Variants in ATG2B observed in about 807,000 individuals in gnomAD.
ATG2B encodes autophagy related 2B.
In ATG2B, 121 loss-of-function variants were observed where a neutral mutation model predicts 241.3. That is an observed-to-expected ratio of 0.50 (90% CI 0.43 to 0.58). ATG2B has a LOEUF of 0.58. ATG2B is among the 20% of genes least tolerant of loss of function. The pLI is 0.00. For synonymous variants in ATG2B, 858 were observed against 876.6 expected (o/e 0.98, Z 0.37); for missense variants, 2,306 against 2,491.6 (o/e 0.93, Z 1.59).
Position 96,289,628 on chromosome 14 carries a change from TG to T in ATG2B, c.6006+27del. 1 of 1,613,318 alleles carries T rather than the reference TG, an allele frequency of 6.2e-7. No individual in the cohort carries two copies. Among genetic ancestry groups the T allele is most frequent in the Non-Finnish European group, 8.5e-7 (1 of 1,179,564 alleles). The stretch of plus-strand genomic sequence containing the variant: ...GTTGGGAAAGCGCACAGAAGGGTTC[TG>T]ATGTGTCCACCCAAGTATTCAGTTA... On this transcript the variant is annotated intron_variant, in intron 41 of 41. Transcript: ENST00000359933. The surrounding 1 kb of genome is among the most constrained non-coding windows in gnomAD (Gnocchi z 4.3).
At chr14:96,331,346 A>G (rs777312625) in intron 11 of ATG2B, 30 bp downstream of exon 11, 40 of 1,568,738 alleles carry the variant, frequency 2.5e-5, no homozygotes, top group Non-Finnish European at 3.3e-5. Context: ...GGAAGTTTAA[A>G]GGATCATTAA....
In ATG2B at chr14:96,345,301, G is replaced by C. The variant is rs1256247405; in HGVS notation, c.410C>G (p.Thr137Arg). Residue 137 changes from threonine (T) to arginine (R), a missense_variant, in exon 3 of 42, where the codon ACA (threonine) becomes AGA (arginine). Physicochemically the swap from Thr to Arg is moderately conservative, Grantham distance 71 (BLOSUM62 -1). Around this residue, in one of 2 missense-constraint regions of ATG2B, gnomAD observed 1,927 missense variants for 2,011.2 expected, o/e 0.96. Transcript: ENST00000359933. ...CTGGGATCCTTCTCCTTGTTCATCTGTTAGTTTCTGGCTAAGACATTCTTT... is the reference window on the plus strand; with the variant it reads ...CTGGGATCCTTCTCCTTGTTCATCTCTTAGTTTCTGGCTAAGACATTCTTT... ...LAKECLSQKL[T>R]DEQGEGSQPF... The C allele has an allele frequency of 2.5e-6, 4 of 1,613,186 alleles. No homozygotes were observed. The highest frequency in any genetic ancestry group is 3.4e-6 in the Non-Finnish European group (4 of 1,179,524).
At chr14:96,307,324 T>C (rs796655534) in intron 29 of ATG2B, among the ~76,000 whole-genome samples, 6 of 152,192 alleles carry the variant, frequency 3.9e-5, no homozygotes, top group African/African-American at 1.4e-4. Context: ...GGTAGGAGAA[T>C]TGTTTGAAGC....
intron 13 of ATG2B, 37 bp from the exon 14 acceptor site, chr14:96,328,572 C>T: frequency 1.3e-6 from 2 of 1,562,952 alleles, no homozygotes; most frequent in Non-Finnish European, 1.7e-6. Flanking sequence ...TTAATACAAT[C>T]ACTAAAAACT....
chr14:96,347,052 C>A (rs1333531105), intron 2 of ATG2B, 127 bp downstream of exon 2: 1 of 739,652 alleles, frequency 1.4e-6, no homozygotes, highest in Non-Finnish European at 2.0e-6. Flanking sequence ...AGAGCCAAGT[C>A]GTAATGTATT....
Position 96,340,730 on chromosome 14 carries a change from T to C in ATG2B, c.924+792A>G, listed in dbSNP as rs561588230. ...GAGTTCAAGACCAGCCTGGGCAACA[T>C]AGTGAGACCCTGTCTCTACAAAAAA... On this transcript the variant is annotated intron_variant, in intron 6 of 41. Coordinates refer to ENST00000359933, the MANE Select transcript of ATG2B (RefSeq NM_018036.7). Among the ~76,000 whole-genome samples the C allele has an allele frequency of 7.9e-5, 12 of 151,986 alleles. No homozygotes were observed. The South Asian group carries it at 1.5e-3, about 18-fold the overall frequency.
At chr14:96,352,498 C>T (rs991448515) in intron 1 of ATG2B, among the ~76,000 whole-genome samples, 1 of 151,812 alleles carries the variant, frequency 6.6e-6, no homozygotes, top group Non-Finnish European at 1.5e-5. Context: ...TTCCTGAAGA[C>T]CTTCCAGTGG....
chr14:96,285,766 C>T lies in ATG2B; in HGVS notation c.6226G>A (p.Gly2076Arg), dbSNP rs746351040. 8 of 1,613,718 alleles carry T rather than the reference C, an allele frequency of 5.0e-6. No individual in the cohort carries two copies. Among genetic ancestry groups the T allele is most frequent in the Admixed American group, 3.3e-5 (2 of 60,002 alleles). The change falls in exon 42 of 42, where the codon GGG becomes AGG. Residue 2076 changes from glycine to arginine, a missense_variant. Transcript: ENST00000359933. The surrounding 1 kb of genome is among the most constrained non-coding windows in gnomAD (Gnocchi z 4.2). ...RQDESQKWRH[G>R]DD ...TCAGTTCCAAGCCATCAGTCATCCC[C>T]GTGGCGCCATTTCTGTGACTCGTCT...
chr14:96,313,244 C>A (rs1887211267), intron 24 of ATG2B, 85 bp downstream of exon 24: 4 of 1,354,138 alleles, frequency 3.0e-6, no homozygotes, highest in Middle Eastern at 1.8e-4. Flanking sequence ...ACAATTTGAA[C>A]CTTAACTCTA....
chr14:96,351,558 A>AAGAGACC (rs1034719638), intron 1 of ATG2B, among the ~76,000 whole-genome samples: 1 of 152,082 alleles, frequency 6.6e-6, no homozygotes, highest in African/African-American at 2.4e-5. Context: ...CAACATGGTG[A>AAGAGACC]AACCCTGTCT....
At chr14:96,316,904 G>T (rs987339751) in intron 20 of ATG2B, among the ~76,000 whole-genome samples, 3 of 152,050 alleles carry the variant, frequency 2.0e-5, no homozygotes, top group Non-Finnish European at 4.4e-5. Flanking sequence ...GTACTTTGTT[G>T]TCACCCCAGA....
rs1186646062 is a variant in ATG2B, at chr14:96,362,956, C to T, written c.21G>A (p.Glu7=). MPWPFS[E]SIKKRACRYL... ...ACCGGCAGGCCCTCTTCTTGATGGA[C>T]TCCGAAAACGGCCAAGGCATAGTGA... The change falls in exon 1 of 42, where the codon GAG becomes GAA. Residue 7 remains glutamate, a synonymous_variant. Transcript: ENST00000359933. 2.5e-6 allele frequency: 4 copies of T among 1,613,360 alleles called. No homozygotes were observed. The East Asian group carries it at 8.9e-5, about 36-fold the overall frequency.
At chr14:96,325,973 T>G (rs767860411) in intron 14 of ATG2B, 51 bp from the exon 15 acceptor site, 1 of 1,549,402 alleles carries the variant, frequency 6.5e-7, no homozygotes. Context: ...TAAATGAACA[T>G]AAATTACACA....
rs1887768587 is a variant in ATG2B, at chr14:96,332,578, G to C, written c.1285C>G (p.Pro429Ala). 2.5e-6 allele frequency: 4 copies of C among 1,610,748 alleles called. No homozygotes were observed. The highest frequency in any genetic ancestry group is 3.4e-6 in the Non-Finnish European group (4 of 1,178,862). The change falls in exon 9 of 42, where the codon CCA (proline) becomes GCA (alanine). Residue 429 changes from proline (P) to alanine (A), a missense_variant. Around this residue, in one of 2 missense-constraint regions of ATG2B, gnomAD observed 1,927 missense variants for 2,011.2 expected, o/e 0.96. Coordinates refer to ENST00000359933, the MANE Select transcript of ATG2B (RefSeq NM_018036.7). ...LSSLPPLGDP[P>A]NMDLELSLTS... ...AATGATAACTCAAGGTCCATGTTTGGGGGGTCCCCAAGGGGTGGAAGAGAA... is the reference window on the plus strand; with the variant it reads ...AATGATAACTCAAGGTCCATGTTTGCGGGGTCCCCAAGGGGTGGAAGAGAA...
chr14:96,291,438 A>G (rs1769270689), intron 38 of ATG2B, among the ~76,000 whole-genome samples, 162 bp downstream of exon 38: 1 of 152,220 alleles, frequency 6.6e-6, no homozygotes, highest in Non-Finnish European at 1.5e-5. Flanking sequence ...AATCCCTCAG[A>G]ATAGAAATCA....
chr14:96,337,864 C>T (rs1887906834), intron 6 of ATG2B, among the ~76,000 whole-genome samples: 1 of 151,984 alleles, frequency 6.6e-6, no homozygotes. Flanking sequence ...TTGTTGTGGG[C>T]AGTATGGTCA....
At chr14:96,340,531 G>C (rs1463943837) in intron 6 of ATG2B, among the ~76,000 whole-genome samples, 2 of 152,040 alleles carry the variant, frequency 1.3e-5, no homozygotes, top group Non-Finnish European at 2.9e-5. Flanking sequence ...ACGAAGAGTA[G>C]ACTGATGGTT....
Position 96,325,798 on chromosome 14 carries a change from G to T in ATG2B, c.2288C>A (p.Ser763Tyr). Residue 763 changes from serine (S) to tyrosine (Y), a missense_variant, in exon 15 of 42, where the codon TCT becomes TAT. Around this residue, in one of 2 missense-constraint regions of ATG2B, gnomAD observed 1,927 missense variants for 2,011.2 expected, o/e 0.96. Transcript: ENST00000359933. Reference protein sequence around the residue: ...SVRFPIPDLRSDQERGPWFKK... With the variant: ...SVRFPIPDLRYDQERGPWFKK... Reference sequence around the variant, plus strand: ...AAACCATGGTCCTCTTTCTTGATCAGATCGAAGATCAGGTATTGGGAAGCG... The same window carrying T: ...AAACCATGGTCCTCTTTCTTGATCATATCGAAGATCAGGTATTGGGAAGCG... 6.2e-7 allele frequency: 1 copy of T among 1,613,994 alleles called. No homozygotes were observed. Among genetic ancestry groups the T allele is most frequent in the Non-Finnish European group, 8.5e-7 (1 of 1,179,966 alleles).
chr14:96,345,688 G>T (rs1217033478), intron 2 of ATG2B, among the ~76,000 whole-genome samples: 1 of 152,098 alleles, frequency 6.6e-6, no homozygotes, highest in East Asian at 1.9e-4. Context: ...ATATCCTACA[G>T]ATGCATGGAA....
Sources: gnomAD v4.1 joint callset for allele counts (sites outside exome capture counted in the v4.1 genomes callset) on GRCh38, gnomAD v4.1.1 for gene constraint, gnomAD v4.1.1 regional missense constraint, Gnocchi (gnomAD v3.1) non-coding constraint, MANE v1.5 for transcripts, NCBI Gene and HGNC (gene_info 2026-07-23, HGNC 2026-07-21) for gene names.